C3orf33: variants seen among roughly 807,000 people sequenced by gnomAD.
C3orf33 encodes the protein mitochondrial inner membrane subdomain organizer 1.
In C3orf33, 23 loss-of-function variants were observed where a neutral mutation model predicts 28.7. That is an observed-to-expected ratio of 0.80 (90% CI 0.58 to 1.13). The LOEUF (loss-of-function observed/expected upper bound fraction) is 1.13. Among genes scored for constraint, C3orf33 ranks in the 50% most tolerant of loss-of-function variants. The pLI is 0.00. For synonymous variants in C3orf33, 119 were observed against 120.5 expected, an observed-to-expected ratio of 0.99 and a Z score of 0.08; for missense variants, 327 against 353.4, an observed-to-expected ratio of 0.93 and a Z score of 0.60.
intron 3 of C3orf33, among the ~76,000 whole-genome samples, chr3:155,772,595 A>T (rs1281945170): frequency 6.7e-6 from 1 of 149,956 alleles, no homozygotes; most frequent in Non-Finnish European, 1.5e-5. Flanking sequence ...TTTTTTTACC[A>T]TCAGGGATGA....
chr3:155,764,077 T>G (rs1698301394), intron 4 of C3orf33, among the ~76,000 whole-genome samples, 159 bp from the exon 5 acceptor site: 2 of 152,188 alleles, frequency 1.3e-5, no homozygotes, highest in Non-Finnish European at 2.9e-5. Context: ...TCTTGCGAAA[T>G]CCAAGGATTT....
At chr3:155,787,463 T>A (rs1443805984) in intron 2 of C3orf33, among the ~76,000 whole-genome samples, 1 of 151,122 alleles carries the variant, frequency 6.6e-6, no homozygotes, top group Non-Finnish European at 1.5e-5. Flanking sequence ...GCAATTCTCC[T>A]GCCTCAGCCT....
chr3:155,763,094 A>G lies in C3orf33; in HGVS notation c.*423T>C, dbSNP rs1020464904. 1 of 152,202 alleles carries G rather than the reference A, an allele frequency of 6.6e-6. No individual in the cohort carries two copies. Among genetic ancestry groups the G allele is most frequent in the Non-Finnish European group, 1.5e-5 (1 of 68,628 alleles). The allele number at this position is 152,202 out of a possible 1,614,324, so 9.4% of individuals were successfully genotyped here. A position where few individuals can be genotyped will look rare whatever the true frequency, so the allele number is the denominator to read the frequency against. On this transcript the variant is annotated 3_prime_UTR_variant, in exon 5 of 5. Transcript: ENST00000340171. ...GGAGAATCGCTTGAACCCAGGAAGC[A>G]GGAGGTTGCAGTGAGCCAAGATCAC... is the stretch of plus-strand genomic sequence containing the variant.
chr3:155,776,517 C>T (rs1169638236), intron 2 of C3orf33, among the ~76,000 whole-genome samples: 1 of 151,988 alleles, frequency 6.6e-6, no homozygotes, highest in African/African-American at 2.4e-5. Flanking sequence ...GGCACGATGG[C>T]TTATGCCTAT....
intron 3 of C3orf33, among the ~76,000 whole-genome samples, chr3:155,770,961 A>C (rs1166460494): frequency 2.0e-5 from 1 of 50,336 alleles, no homozygotes; most frequent in Non-Finnish European, 3.5e-5. Context: ...GGCATGAACC[A>C]CTGTGTGTGT....
At chr3:155,773,067 T>C (rs1444919689) in intron 3 of C3orf33, among the ~76,000 whole-genome samples, 1 of 152,148 alleles carries the variant, frequency 6.6e-6, no homozygotes, top group African/African-American at 2.4e-5. Flanking sequence ...GACCTGGATC[T>C]TAGCCCTCCT....
At chr3:155,782,300 C>T (rs1750951326) in intron 2 of C3orf33, among the ~76,000 whole-genome samples, 1 of 149,580 alleles carries the variant, frequency 6.7e-6, no homozygotes, top group Admixed American at 6.7e-5. Context: ...AGAGGAGTCC[C>T]AGAAGAAAAA....
intron 2 of C3orf33, among the ~76,000 whole-genome samples, chr3:155,779,098 C>T (rs979317434): frequency 1.3e-5 from 2 of 152,124 alleles, no homozygotes; most frequent in African/African-American, 4.8e-5. Flanking sequence ...GAACTGTGAA[C>T]TCAAAATGAG....
chr3:155,763,379 C>T lies in C3orf33; in HGVS notation c.*138G>A, dbSNP rs140566454. 1.8e-5 allele frequency: 9 copies of T among 498,184 alleles called. No individual in the cohort carries two copies. The highest frequency in any genetic ancestry group is 2.3e-5 in the Non-Finnish European group (7 of 303,114). 30.9% of individuals were successfully genotyped at this position (498,184 alleles called of 1,614,324 possible). On this transcript the variant is annotated 3_prime_UTR_variant, in exon 5 of 5. Coordinates refer to ENST00000340171, the MANE Select transcript of C3orf33 (RefSeq NM_001308229.2). ...CTGACATTATGCTTATAATAATCATCTCTTTTTAATATTTAAATACCATTG... is the reference window on the plus strand; with the variant it reads ...CTGACATTATGCTTATAATAATCATTTCTTTTTAATATTTAAATACCATTG...
intron 3 of C3orf33, among the ~76,000 whole-genome samples, chr3:155,769,240 A>G (rs1165756207): frequency 6.6e-6 from 1 of 151,808 alleles, no homozygotes; most frequent in Non-Finnish European, 1.5e-5. Flanking sequence ...TGAATTTGGG[A>G]GGCGGAAGTT....
intron 1 of C3orf33, chr3:155,803,915 C>G (rs576107280): frequency 6.1e-6 from 1 of 164,324 alleles, no homozygotes; most frequent in African/African-American, 2.5e-5. Flanking sequence ...GTGGCTCATG[C>G]CTGTAATTCC....
chr3:155,777,447 C>CG (rs1277351539), intron 2 of C3orf33, among the ~76,000 whole-genome samples: 1 of 145,200 alleles, frequency 6.9e-6, no homozygotes, highest in African/African-American at 2.5e-5. Context: ...CATTACAGAT[C>CG]TTTTTTTTTT....
intron 3 of C3orf33, among the ~76,000 whole-genome samples, chr3:155,769,280 C>A (rs1327591289): frequency 6.6e-6 from 1 of 151,082 alleles, no homozygotes; most frequent in Non-Finnish European, 1.5e-5. Flanking sequence ...CCATTGCACT[C>A]CAGCCTGGGC....
At chr3:155,776,621 C>CA (rs760949434) in intron 2 of C3orf33, among the ~76,000 whole-genome samples, 4 of 151,226 alleles carry the variant, frequency 2.6e-5, no homozygotes, top group Admixed American at 1.3e-4. Flanking sequence ...ACCATCTCCA[C>CA]AAAAAAATGT....
intron 2 of C3orf33, among the ~76,000 whole-genome samples, chr3:155,787,070 T>G (rs1751142330): frequency 6.6e-6 from 1 of 152,094 alleles, no homozygotes; most frequent in Non-Finnish European, 1.5e-5. Context: ...ACTTCCTAAC[T>G]CAGTCTATGA....
At chr3:155,789,574 T>C (rs1434905391) in intron 2 of C3orf33, among the ~76,000 whole-genome samples, 1 of 151,870 alleles carries the variant, frequency 6.6e-6, no homozygotes, top group Non-Finnish European at 1.5e-5. Flanking sequence ...ACAATCCCTA[T>C]CAAAATCCCA....
intron 3 of C3orf33, among the ~76,000 whole-genome samples, chr3:155,768,539 A>T (rs1750482083): frequency 6.6e-6 from 1 of 152,220 alleles, no homozygotes; most frequent in South Asian, 2.1e-4. Flanking sequence ...AATTTTAATA[A>T]CAAGATTTTA....
intron 2 of C3orf33, among the ~76,000 whole-genome samples, chr3:155,790,953 G>C (rs1751296071): frequency 2.0e-5 from 3 of 152,164 alleles, no homozygotes; most frequent in Admixed American, 1.3e-4. Flanking sequence ...CAGAGAACTT[G>C]GGGAATACAT....
chr3:155,766,157 T>C (rs1750396397), intron 4 of C3orf33, among the ~76,000 whole-genome samples: 1 of 152,102 alleles, frequency 6.6e-6, no homozygotes, highest in African/African-American at 2.4e-5. Flanking sequence ...GCCTCCTGAG[T>C]TGCTGGGATT....
Sources: gnomAD v4.1 joint callset for allele counts (sites outside exome capture counted in the v4.1 genomes callset) on GRCh38, gnomAD v4.1.1 for gene constraint, MANE v1.5 for transcripts, NCBI Gene and HGNC (gene_info 2026-07-23, HGNC 2026-07-21) for gene names.